The following SHISA9 variants were observed in gnomAD, a reference collection of about 807,000 sequenced individuals.
The protein encoded by SHISA9 is shisa family member 9.
SHISA9 carries 13 observed loss-of-function variants against 38.0 expected under a neutral mutation model. The ratio of observed to expected loss-of-function variants is 0.34; its 90% CI spans 0.22 to 0.54. The LOEUF (loss-of-function observed/expected upper bound fraction) is 0.54. Among genes scored for constraint, SHISA9 ranks in the 20% least tolerant of loss-of-function variants. The probability of loss-of-function intolerance (pLI) is 0.91; values close to 1 mark genes in which losing one functional copy is unlikely to be tolerated. For missense variants in SHISA9, 538 were observed against 575.8 expected, an observed-to-expected ratio of 0.93 and a Z score of 0.67; for synonymous variants, 275 against 242.0, an observed-to-expected ratio of 1.14 and a Z score of -1.27.
At chr16:12,971,432 G>C (rs892528488) in intron 2 of SHISA9, among the ~76,000 whole-genome samples, 1 of 152,198 alleles carries the variant, frequency 6.6e-6, no homozygotes, top group South Asian at 2.1e-4. Context: ...CTCTTGGCTG[G>C]CTGCCCAGTC....
the SHISA9 span, among the ~76,000 whole-genome samples, chr16:13,478,010 T>C: frequency 6.6e-6 from 1 of 152,142 alleles, no homozygotes; most frequent in South Asian, 2.1e-4. Context: ...GTTGGTTTTC[T>C]CTCCCTCTTA....
At chr16:13,450,615 C>T in the SHISA9 span, among the ~76,000 whole-genome samples, 156 of 152,356 alleles carry the variant, frequency 1.0e-3, 2 homozygotes, top group South Asian at 3.9e-3. Context: ...TACACACTGT[C>T]TCCAACCATT....
chr16:13,270,620 G>A, the SHISA9 span, among the ~76,000 whole-genome samples: 2,707 of 152,202 alleles, frequency 0.018, 81 homozygotes, highest in African/African-American at 0.063. Flanking sequence ...AGAAGACTTC[G>A]GTTGCAATGC....
chr16:13,514,877 A>C, the SHISA9 span, among the ~76,000 whole-genome samples: 34 of 152,264 alleles, frequency 2.2e-4, no homozygotes, highest in African/African-American at 7.9e-4. Flanking sequence ...AAATTATAGA[A>C]GCAGCTGGAG....
At chr16:13,218,804 C>T (rs2051195164) in intron 4 of SHISA9, among the ~76,000 whole-genome samples, 1 of 152,150 alleles carries the variant, frequency 6.6e-6, no homozygotes, top group Admixed American at 6.5e-5. Context: ...ATGCAGGAGG[C>T]ACAAGACAAT....
chr16:13,121,832 TACACACACACACACACACAC>T lies in SHISA9; in HGVS notation c.692-81530_692-81511del, dbSNP rs55727441. 1.8e-3 allele frequency among the ~76,000 whole-genome samples: 242 copies of T among 134,916 alleles called. 7 individuals carry two copies. The East Asian group carries it at 0.035, about 20-fold the overall frequency. The allele number at this position is 134,916 out of a possible 152,430, so 88.5% of individuals were successfully genotyped here. The stretch of plus-strand genomic sequence containing the variant: ...ACAACATTAAACACCTATACACACA[TACACACACACACACACACAC>T]ACACACACACACACACACACACACA... On this transcript the variant is annotated intron_variant, in intron 2 of 4. Transcript: ENST00000558583.
rs549096460 is a variant in SHISA9, at chr16:13,189,357, T to C, written c.692-14037T>C. ...GAACCTCCAGATTCTTCCTGATATG[T>C]GCTAGGGGCAGCTTAGCTTGACGGA... On this transcript the variant is annotated intron_variant, in intron 2 of 4. Transcript: ENST00000558583. Among the ~76,000 whole-genome samples the C allele has an allele frequency of 2.1e-3, 324 of 152,336 alleles. 1 individual carries two copies. The highest frequency in any genetic ancestry group is 7.1e-3 in the African/African-American group (297 of 41,574).
the SHISA9 span, among the ~76,000 whole-genome samples, chr16:13,336,575 C>G: frequency 6.6e-6 from 1 of 152,164 alleles, no homozygotes; most frequent in Admixed American, 6.6e-5. Context: ...CTCTCCTTCT[C>G]AAGAAGATAA....
chr16:13,534,141 C>G, the SHISA9 span, among the ~76,000 whole-genome samples: 3 of 152,034 alleles, frequency 2.0e-5, no homozygotes, highest in Admixed American at 2.0e-4. Flanking sequence ...AACCACCACC[C>G]CATTTCTTTT....
At chr16:13,075,359 CAGG>C (rs2073568277) in intron 2 of SHISA9, among the ~76,000 whole-genome samples, 2 of 152,290 alleles carry the variant, frequency 1.3e-5, no homozygotes, top group East Asian at 3.9e-4. Context: ...GGCTGGCTGG[CAGG>C]AGGAGCTTGC....
the SHISA9 span, among the ~76,000 whole-genome samples, chr16:13,349,391 C>G: frequency 6.6e-6 from 1 of 152,202 alleles, no homozygotes; most frequent in Non-Finnish European, 1.5e-5. Flanking sequence ...TGATAGGGGA[C>G]AGACTCTAGA....
the SHISA9 span, among the ~76,000 whole-genome samples, chr16:13,252,204 C>T: frequency 8.1e-4 from 123 of 152,196 alleles, no homozygotes; most frequent in Non-Finnish European, 1.2e-3. Flanking sequence ...ACTCACTCTG[C>T]TCCAGCCCCC....
the SHISA9 span, among the ~76,000 whole-genome samples, chr16:13,424,112 G>T: frequency 6.6e-6 from 1 of 152,216 alleles, no homozygotes; most frequent in Non-Finnish European, 1.5e-5. Flanking sequence ...CAAGAGAGGG[G>T]ATTCTATACA....
the SHISA9 span, among the ~76,000 whole-genome samples, chr16:13,442,877 A>C: frequency 6.6e-6 from 1 of 152,214 alleles, no homozygotes; most frequent in Admixed American, 6.5e-5. Flanking sequence ...TGCAACTTCC[A>C]GTGAGTCCAT....
At chr16:13,380,264 C>T in the SHISA9 span, among the ~76,000 whole-genome samples, 3 of 152,076 alleles carry the variant, frequency 2.0e-5, no homozygotes, top group East Asian at 1.9e-4. Context: ...AAAAGATGTC[C>T]TTTCTAACCC....
intron 1 of SHISA9, among the ~76,000 whole-genome samples, chr16:12,913,907 C>G (rs1345509761): frequency 6.6e-6 from 1 of 152,132 alleles, no homozygotes; most frequent in Non-Finnish European, 1.5e-5. Flanking sequence ...GTCCATTCAT[C>G]AGCTGACGGC....
Position 13,235,579 on chromosome 16 carries a change from A to G in SHISA9, c.*170A>G. ...CACAGAGTCGCGCTTTTCCTAGGTC[A>G]TGCCTGTAACGTGTCGGCGGGCAGC... is the stretch of plus-strand genomic sequence containing the variant. On this transcript the variant is annotated 3_prime_UTR_variant, in exon 5 of 5. Transcript: ENST00000558583. 1.2e-6 allele frequency: 1 copy of G among 854,710 alleles called. No homozygotes were observed. The allele number at this position is 854,710 out of a possible 1,614,324, so 52.9% of individuals were successfully genotyped here.
the SHISA9 span, among the ~76,000 whole-genome samples, chr16:13,384,761 T>A: frequency 1.3e-5 from 2 of 152,238 alleles, no homozygotes; most frequent in Non-Finnish European, 2.9e-5. Flanking sequence ...AAAGATTTGA[T>A]TTTTAAATTA....
the SHISA9 span, among the ~76,000 whole-genome samples, chr16:13,541,960 G>A: frequency 2.0e-5 from 3 of 152,298 alleles, no homozygotes; most frequent in Admixed American, 2.0e-4. Flanking sequence ...TTTGAAAATA[G>A]GGTTTTTGCT....
Sources: gnomAD v4.1 joint callset for allele counts (sites outside exome capture counted in the v4.1 genomes callset) on GRCh38, gnomAD v4.1.1 for gene constraint, MANE v1.5 for transcripts, NCBI Gene and HGNC (gene_info 2026-07-23, HGNC 2026-07-21) for gene names.